FAM53B: variants seen among roughly 807,000 people sequenced by gnomAD.
The protein encoded by FAM53B is protein FAM53B.
FAM53B carries 12 observed loss-of-function variants against 32.7 expected under a neutral mutation model. That is an observed-to-expected ratio of 0.37 (90% CI 0.24 to 0.59). The LOEUF is 0.59. FAM53B is among the 20% of genes least tolerant of loss of function. The probability of loss-of-function intolerance (pLI) is 0.72; values close to 1 mark genes in which losing one functional copy is unlikely to be tolerated. For synonymous variants in FAM53B, 234 were observed against 228.7 expected, an observed-to-expected ratio of 1.02 and a Z score of -0.21; for missense variants, 477 against 577.7, an observed-to-expected ratio of 0.83 and a Z score of 1.79.
intron 4 of FAM53B, among the ~76,000 whole-genome samples, chr10:124,656,048 ACCAGCACGGTAC>A (rs1949587298): frequency 1.3e-5 from 2 of 152,224 alleles, no homozygotes; most frequent in African/African-American, 4.8e-5. Context: ...GCTCTACAGT[ACCAGCACGGTAC>A]CCAGCACACA....
intron 4 of FAM53B, among the ~76,000 whole-genome samples, chr10:124,670,154 C>G (rs80283113): frequency 0.046 from 7,061 of 152,010 alleles, 204 homozygotes; most frequent in East Asian, 0.12. Context: ...AGAGGGCGGG[C>G]GGTGACACTC....
chr10:124,658,947 C>T (rs942043452), intron 4 of FAM53B, among the ~76,000 whole-genome samples: 14 of 152,246 alleles, frequency 9.2e-5, no homozygotes, highest in Admixed American at 6.5e-5. Flanking sequence ...CCCTTACCTG[C>T]CTAGAACCGG....
chr10:124,660,887 A>T (rs894345631), intron 4 of FAM53B, among the ~76,000 whole-genome samples: 2 of 152,166 alleles, frequency 1.3e-5, no homozygotes, highest in Non-Finnish European at 2.9e-5. Flanking sequence ...GTATGTATCC[A>T]GGCAGAGCTG....
At chr10:124,687,168 A>C (rs1564877992) in intron 3 of FAM53B, among the ~76,000 whole-genome samples, 1 of 152,204 alleles carries the variant, frequency 6.6e-6, no homozygotes, top group Non-Finnish European at 1.5e-5. Flanking sequence ...ATCACCAGAC[A>C]AAAGAAACAG....
chr10:124,685,012 A>G (rs1949793848), intron 3 of FAM53B, among the ~76,000 whole-genome samples: 2 of 152,254 alleles, frequency 1.3e-5, no homozygotes. Flanking sequence ...GGCCGGTTAA[A>G]TAAATTATCA....
intron 1 of FAM53B, among the ~76,000 whole-genome samples, chr10:124,741,437 A>T (rs1267024665): frequency 6.6e-6 from 1 of 152,174 alleles, no homozygotes; most frequent in Non-Finnish European, 1.5e-5. Flanking sequence ...GGGTGAGAAG[A>T]GTGTGCTTTT....
At chr10:124,626,593 G>A (rs1231472274) in intron 4 of FAM53B, among the ~76,000 whole-genome samples, 1 of 152,182 alleles carries the variant, frequency 6.6e-6, no homozygotes, top group Non-Finnish European at 1.5e-5. Flanking sequence ...TTGGCACCTG[G>A]ATCTTGGACT....
chr10:124,655,999 T>G (rs775300607), intron 4 of FAM53B, among the ~76,000 whole-genome samples: 2 of 152,172 alleles, frequency 1.3e-5, no homozygotes, highest in African/African-American at 4.8e-5. Context: ...ACGGGATCCA[T>G]CCAGCAGCAG....
chr10:124,686,848 G>T (rs1032707768), intron 3 of FAM53B, among the ~76,000 whole-genome samples: 1 of 152,250 alleles, frequency 6.6e-6, no homozygotes, highest in Non-Finnish European at 1.5e-5. Context: ...CCTTGGCCAG[G>T]TAAGTCCAAC....
chr10:124,670,444 C>A (rs1474207340), intron 4 of FAM53B, among the ~76,000 whole-genome samples: 1 of 152,132 alleles, frequency 6.6e-6, no homozygotes, highest in African/African-American at 2.4e-5. Context: ...GCAAAAAGCC[C>A]GCTCCTCACC....
chr10:124,655,847 G>T (rs1421367832), intron 4 of FAM53B, among the ~76,000 whole-genome samples: 1 of 152,194 alleles, frequency 6.6e-6, no homozygotes, highest in Non-Finnish European at 1.5e-5. Context: ...AATCTGCTTT[G>T]CTCTTAATAT....
intron 4 of FAM53B, among the ~76,000 whole-genome samples, chr10:124,634,921 G>A (rs1949418007): frequency 6.6e-6 from 1 of 152,172 alleles, no homozygotes; most frequent in Non-Finnish European, 1.5e-5. Context: ...TGGGTGAACT[G>A]TGTGGTATAT....
intron 4 of FAM53B, among the ~76,000 whole-genome samples, chr10:124,652,869 G>A (rs1436136736): frequency 6.6e-6 from 1 of 152,192 alleles, no homozygotes; most frequent in Non-Finnish European, 1.5e-5. Context: ...CAGGGCAGAG[G>A]AGCCTCTTGC....
At chr10:124,629,725 C>T (rs1002844680) in intron 4 of FAM53B, among the ~76,000 whole-genome samples, 2 of 152,236 alleles carry the variant, frequency 1.3e-5, no homozygotes, top group African/African-American at 4.8e-5. Context: ...GGCACAGAAA[C>T]AACCAAGACG....
intron 4 of FAM53B, among the ~76,000 whole-genome samples, chr10:124,634,642 T>A (rs182980581): frequency 7.0e-4 from 107 of 152,334 alleles, no homozygotes; most frequent in Non-Finnish European, 1.1e-3. Context: ...TGTGGAACTG[T>A]GAGTCAATTA....
intron 4 of FAM53B, among the ~76,000 whole-genome samples, chr10:124,640,529 C>T (rs541030784): frequency 6.6e-6 from 1 of 152,344 alleles, no homozygotes; most frequent in Admixed American, 6.5e-5. Context: ...CCCACCAGTC[C>T]GTCATCCCCT....
intron 3 of FAM53B, 99 bp downstream of exon 3, chr10:124,696,059 C>A (rs1017597108): frequency 3.0e-6 from 3 of 988,326 alleles, no homozygotes; most frequent in African/African-American, 3.2e-5. Context: ...TCTTTTTGAA[C>A]TTGTGTCCAG....
intron 4 of FAM53B, among the ~76,000 whole-genome samples, chr10:124,633,971 T>C (rs1949409697): frequency 6.6e-6 from 1 of 152,248 alleles, no homozygotes; most frequent in Non-Finnish European, 1.5e-5. Context: ...CTGGTAGGAA[T>C]GTAAGATGGT....
chr10:124,738,150 G>A (rs748628165), intron 1 of FAM53B, among the ~76,000 whole-genome samples: 2 of 151,822 alleles, frequency 1.3e-5, no homozygotes, highest in African/African-American at 2.4e-5. Flanking sequence ...CTCCGCTCCC[G>A]AATACGAAAG....
Sources: allele counts gnomAD v4.1 joint callset (sites outside exome capture counted in the v4.1 genomes callset), GRCh38; gene constraint gnomAD v4.1.1; transcripts MANE v1.5; gene names NCBI Gene and HGNC (gene_info 2026-07-23, HGNC 2026-07-21).